PTCHD1: variants seen among roughly 807,000 people sequenced by gnomAD.
PTCHD1 encodes the protein patched domain containing 1.
In PTCHD1, 3 loss-of-function variants were observed where a neutral mutation model predicts 34.6. The ratio of observed to expected loss-of-function variants is 0.09; its 90% CI spans 0.04 to 0.22. PTCHD1 has a LOEUF of 0.22. Among genes scored for constraint, PTCHD1 ranks in the 10% least tolerant of loss-of-function variants. The pLI is 1.00. For missense variants in PTCHD1, 504 were observed against 685.5 expected (o/e 0.74, Z 2.96); for synonymous variants, 305 against 283.1 (o/e 1.08, Z -0.77).
intron 1 of PTCHD1, among the ~76,000 whole-genome samples, chrX:23,367,836 G>A (rs939848508): frequency 1.5e-4 from 17 of 111,614 alleles, no homozygotes; most frequent in South Asian, 3.8e-4. Flanking sequence ...ACCTCAGGTC[G>A]GCTGTGAGGC....
At chrX:23,367,813 C>A (rs908494532) in intron 1 of PTCHD1, among the ~76,000 whole-genome samples, 1 of 111,588 alleles carries the variant, frequency 9.0e-6, no homozygotes, top group Non-Finnish European at 1.9e-5. Context: ...GGGCTACAAA[C>A]CAAAGGACTG....
intron 1 of PTCHD1, among the ~76,000 whole-genome samples, chrX:23,357,401 G>A (rs775540485): frequency 5.4e-5 from 6 of 111,666 alleles, no homozygotes; most frequent in Non-Finnish European, 1.1e-4. Flanking sequence ...TGTTGCTGAG[G>A]ATATGGGGTA....
intron 1 of PTCHD1, among the ~76,000 whole-genome samples, chrX:23,376,228 A>T (rs1319355107): frequency 8.9e-6 from 1 of 112,716 alleles, no homozygotes; most frequent in African/African-American, 3.2e-5. Flanking sequence ...AGTTATAGAA[A>T]CATGGATTAT....
At chrX:23,361,503 T>A (rs1174984208) in intron 1 of PTCHD1, among the ~76,000 whole-genome samples, 1 of 111,759 alleles carries the variant, frequency 8.9e-6, no homozygotes, top group Non-Finnish European at 1.9e-5. Flanking sequence ...ATTTGCTTGG[T>A]AGATCTTCCT....
chrX:23,390,136 T>C (rs1188685200), intron 2 of PTCHD1, among the ~76,000 whole-genome samples: 1 of 111,967 alleles, frequency 8.9e-6, no homozygotes, highest in Admixed American at 9.5e-5. Flanking sequence ...CAGATTTAAG[T>C]TCTATTATAT....
chrX:23,348,036 T>TATGTTAAG (rs1289502336), intron 1 of PTCHD1, among the ~76,000 whole-genome samples: 2 of 111,001 alleles, frequency 1.8e-5, no homozygotes. Flanking sequence ...CAATGATTAA[T>TATGTTAAG]ATGTTAAGGG....
upstream of PTCHD1, chrX:23,334,811 C>CGCA: frequency 1.3e-6 from 1 of 748,356 alleles, no homozygotes; most frequent in Non-Finnish European, 1.7e-6. Context: ...CCGCCGCCGC[C>CGCA]GCCGCCGCCC....
chrX:23,393,118 A>G lies in PTCHD1; in HGVS notation c.1600A>G (p.Thr534Ala), dbSNP rs375786820. Residue 534 changes from threonine (T) to alanine (A), a missense_variant, in exon 3 of 3, where the codon ACC (threonine) becomes GCC (alanine). Thr to Ala is a moderately conservative substitution (Grantham distance 58, BLOSUM62 0). Transcript: ENST00000379361. ...EGSDLSNIVA[T>A]ATQTIEYTTA... ...GTCAGACCTTAGTAACATTGTAGCA[A>G]CCGCGACACAAACCATTGAGTACAC... 2.5e-6 allele frequency: 3 copies of G among 1,209,308 alleles called. No homozygotes were observed. The highest frequency in any genetic ancestry group is 3.4e-6 in the Non-Finnish European group (3 of 894,539).
At chrX:23,366,087 T>C (rs897720378) in intron 1 of PTCHD1, among the ~76,000 whole-genome samples, 2 of 112,456 alleles carry the variant, frequency 1.8e-5, no homozygotes, top group African/African-American at 6.5e-5. Flanking sequence ...ACCTGGCTTA[T>C]TGCCTTGGCT....
chrX:23,374,775 G>C (rs1039472836), intron 1 of PTCHD1, among the ~76,000 whole-genome samples: 2 of 111,540 alleles, frequency 1.8e-5, no homozygotes, highest in African/African-American at 6.5e-5. Flanking sequence ...CTCTCACCTG[G>C]TGTCTGATTA....
chrX:23,378,710 T>C (rs1390184741), intron 1 of PTCHD1, among the ~76,000 whole-genome samples: 1 of 112,157 alleles, frequency 8.9e-6, no homozygotes, highest in African/African-American at 3.2e-5. Flanking sequence ...GAACCTACTT[T>C]GTAATTTGCT....
chrX:23,375,134 T>A (rs1293676156), intron 1 of PTCHD1, among the ~76,000 whole-genome samples: 3 of 111,997 alleles, frequency 2.7e-5, no homozygotes, highest in Non-Finnish European at 5.6e-5. Context: ...TACCTGTTAA[T>A]ACTGCCATGT....
intron 1 of PTCHD1, among the ~76,000 whole-genome samples, chrX:23,355,358 T>A (rs530899064): frequency 1.8e-5 from 2 of 112,575 alleles, no homozygotes; most frequent in African/African-American, 6.5e-5. Context: ...CTTTATAAAA[T>A]TGTGTGCAAA....
At chrX:23,350,810 TAGG>T (rs1488777108) in intron 1 of PTCHD1, among the ~76,000 whole-genome samples, 1 of 110,056 alleles carries the variant, frequency 9.1e-6, no homozygotes, top group Admixed American at 9.6e-5. Flanking sequence ...GGTCGAAAGA[TAGG>T]AGGAGAGGAA....
intron 1 of PTCHD1, among the ~76,000 whole-genome samples, chrX:23,339,969 G>A (rs975146883): frequency 9.0e-6 from 1 of 111,719 alleles, no homozygotes; most frequent in African/African-American, 3.3e-5. Context: ...GGGGCTGACT[G>A]TGCACCCACC....
rs1373575909 is a variant in PTCHD1, at chrX:23,404,243, A to G, written c.*10058A>G. The stretch of plus-strand genomic sequence containing the variant: ...CGAATGTAAAGGAGATTTCAAATGT[A>G]TTGCTTTCACCTTTTCTTTTTTATT... On this transcript the variant is annotated 3_prime_UTR_variant, in exon 3 of 3. Coordinates refer to ENST00000379361, the MANE Select transcript of PTCHD1 (RefSeq NM_173495.3). The G allele has an allele frequency of 8.9e-6, 1 of 112,252 alleles. No homozygotes were observed. The highest frequency in any genetic ancestry group is 1.9e-5 in the Non-Finnish European group (1 of 53,238). The allele number at this position is 112,252 out of a possible 1,213,427, so 9.3% of individuals were successfully genotyped here.
rs1601921341 is a variant in PTCHD1, at chrX:23,403,523, C to A, written c.*9338C>A. ...ATCAAAAATGTACCCAGAACAATTT[C>A]CCACAAAGAGCTGTAATACTTTGCA... is the stretch of plus-strand genomic sequence containing the variant. On this transcript the variant is annotated 3_prime_UTR_variant, in exon 3 of 3. Transcript: ENST00000379361. 8.9e-6 allele frequency: 1 copy of A among 111,910 alleles called. No homozygotes were observed. Among genetic ancestry groups the A allele is most frequent in the Non-Finnish European group, 1.9e-5 (1 of 53,161 alleles). 9.2% of individuals were successfully genotyped at this position (111,910 alleles called of 1,213,427 possible). A position where few individuals can be genotyped will look rare whatever the true frequency, so the allele number is the denominator to read the frequency against.
intron 1 of PTCHD1, among the ~76,000 whole-genome samples, chrX:23,365,770 G>C (rs965553514): frequency 8.9e-6 from 1 of 112,091 alleles, no homozygotes; most frequent in Non-Finnish European, 1.9e-5. Flanking sequence ...AAAGAAGTGT[G>C]GGTGCTGGCA....
rs1231064213 is a variant in PTCHD1 at position 23,401,936 on chromosome X, C to T, written c.*7751C>T. On this transcript the variant is annotated 3_prime_UTR_variant, in exon 3 of 3. Coordinates refer to ENST00000379361, the MANE Select transcript of PTCHD1 (RefSeq NM_173495.3). Reference sequence around the variant, plus strand: ...GGAAAATTGCATTTGTTGGAATTTTCCAAGTCATAAGCAAGAAGAATAGCA... The same window carrying T: ...GGAAAATTGCATTTGTTGGAATTTTTCAAGTCATAAGCAAGAAGAATAGCA... The T allele has an allele frequency of 8.9e-6, 1 of 112,464 alleles. No individual in the cohort carries two copies. The highest frequency in any genetic ancestry group is 1.9e-5 in the Non-Finnish European group (1 of 53,271). 9.3% of individuals were successfully genotyped at this position (112,464 alleles called of 1,213,427 possible).
Sources: gnomAD v4.1 joint callset for allele counts (sites outside exome capture counted in the v4.1 genomes callset) on GRCh38, gnomAD v4.1.1 for gene constraint, MANE v1.5 for transcripts, NCBI Gene and HGNC (gene_info 2026-07-23, HGNC 2026-07-21) for gene names.